The following PKD2L2 variants were observed in gnomAD, a reference collection of about 807,000 sequenced individuals.
The protein encoded by PKD2L2 is polycystin-2-like protein 2.
In PKD2L2, 67 loss-of-function variants were observed where a neutral mutation model predicts 83.9. The ratio of observed to expected loss-of-function variants is 0.80; its 90% CI spans 0.66 to 0.98. The LOEUF (loss-of-function observed/expected upper bound fraction) is 0.98. Among genes scored for constraint, PKD2L2 ranks in the 50% least tolerant of loss-of-function variants. PKD2L2 has a pLI of 0.00. For synonymous variants in PKD2L2, 223 were observed against 237.8 expected, an observed-to-expected ratio of 0.94 and a Z score of 0.57; for missense variants, 632 against 717.2, an observed-to-expected ratio of 0.88 and a Z score of 1.36.
chr5:137,906,184 T>C (rs748959159), intron 5 of PKD2L2, 22 bp from the exon 6 acceptor site: 103 of 1,451,082 alleles, frequency 7.1e-5, no homozygotes, highest in Non-Finnish European at 9.5e-5. Context: ...GAACAGTTGC[T>C]TTCACAAACC....
intron 5 of PKD2L2, among the ~76,000 whole-genome samples, chr5:137,902,205 T>C (rs1204950545): frequency 1.3e-5 from 2 of 152,148 alleles, no homozygotes; most frequent in African/African-American, 4.8e-5. Flanking sequence ...TGACTTCTTT[T>C]ATGACATGGA....
intron 14 of PKD2L2, chr5:137,938,652 C>G (rs1048805694): frequency 5.9e-5 from 9 of 152,432 alleles, no homozygotes; most frequent in African/African-American, 2.2e-4. Context: ...CCTCACCCCC[C>G]ACCCCCCAGA....
chr5:137,899,493 A>G (rs547638111), intron 4 of PKD2L2, 23 bp from the exon 5 acceptor site: 21 of 1,374,022 alleles, frequency 1.5e-5, no homozygotes, highest in Non-Finnish European at 2.0e-5. Flanking sequence ...TCATTTCACC[A>G]TTATTCTTTT....
chr5:137,891,193 C>T (rs1755948078), intron 2 of PKD2L2, among the ~76,000 whole-genome samples: 1 of 152,188 alleles, frequency 6.6e-6, no homozygotes, highest in African/African-American at 2.4e-5. Flanking sequence ...GATGAAAGCT[C>T]ACTGGCAGTA....
At chr5:137,904,807 T>A (rs557933436) in intron 5 of PKD2L2, among the ~76,000 whole-genome samples, 5 of 152,226 alleles carry the variant, frequency 3.3e-5, no homozygotes, top group Non-Finnish European at 4.4e-5. Context: ...TTTTCTCTCG[T>A]AAGTCTTACA....
At chr5:137,889,942 C>A in intron 1 of PKD2L2, 1 of 188,608 alleles carries the variant, frequency 5.3e-6, no homozygotes, top group Admixed American at 6.2e-5. Context: ...TTACTTGTTT[C>A]GTATTTTGCT....
At chr5:137,900,043 A>G (rs1445537668) in intron 5 of PKD2L2, among the ~76,000 whole-genome samples, 1 of 152,252 alleles carries the variant, frequency 6.6e-6, no homozygotes, top group East Asian at 1.9e-4. Flanking sequence ...AGTATACACA[A>G]ATCTATTATA....
At chr5:137,901,146 A>G (rs141443695) in intron 5 of PKD2L2, among the ~76,000 whole-genome samples, 57 of 152,010 alleles carry the variant, frequency 3.7e-4, no homozygotes, top group East Asian at 1.4e-3. Context: ...CAAAAAAAAA[A>G]AAAGAAAGAA....
At chr5:137,934,619 G>C (rs1442484872) in intron 12 of PKD2L2, among the ~76,000 whole-genome samples, 1 of 152,156 alleles carries the variant, frequency 6.6e-6, no homozygotes, top group Non-Finnish European at 1.5e-5. Context: ...GACCAGCCTG[G>C]CCAACATGGC....
chr5:137,940,157 A>G (rs370407926), intron 14 of PKD2L2: 99 of 1,613,376 alleles, frequency 6.1e-5, no homozygotes, highest in Non-Finnish European at 8.1e-5. Flanking sequence ...AGTACCAGCC[A>G]AGTACACACG....
Position 137,894,094 on chromosome 5 carries a change from C to T in PKD2L2, c.268-259C>T, listed in dbSNP as rs184702295. Among the ~76,000 whole-genome samples the T allele has an allele frequency of 1.6e-3, 241 of 152,214 alleles. 1 individual carries two copies. The highest frequency in any genetic ancestry group is 5.6e-3 in the African/African-American group (234 of 41,516). ...ATTGGAAGAAAATTTTCGATTTACT[C>T]ATATAAGGAGAGAAGAAGGGCTATG... On this transcript the variant is annotated intron_variant, in intron 3 of 14. Transcript: ENST00000508883.
chr5:137,891,930 C>T (rs991961518), intron 2 of PKD2L2, among the ~76,000 whole-genome samples: 1 of 152,196 alleles, frequency 6.6e-6, no homozygotes, highest in Non-Finnish European at 1.5e-5. Flanking sequence ...AGGTGATCCA[C>T]CCACCTCAGC....
Position 137,941,916 on chromosome 5 carries a change from T to C in PKD2L2, c.*18-468T>C, listed in dbSNP as rs1374755349. ...CAGTTTGTGAGTTAGAGAAGAAAGATGACTCAATTTTGTGATGCTCAACAA... is the reference window on the plus strand; with the variant it reads ...CAGTTTGTGAGTTAGAGAAGAAAGACGACTCAATTTTGTGATGCTCAACAA... On this transcript the variant is annotated intron_variant, in intron 14 of 14. Transcript: ENST00000508883. 2.6e-6 allele frequency: 4 copies of C among 1,549,108 alleles called. No individual in the cohort carries two copies. The South Asian group carries it at 4.5e-5, about 17-fold the overall frequency.
At chr5:137,911,447 C>T (rs576677103) in intron 8 of PKD2L2, among the ~76,000 whole-genome samples, 1 of 152,162 alleles carries the variant, frequency 6.6e-6, no homozygotes, top group African/African-American at 2.4e-5. Flanking sequence ...GTATAAATAT[C>T]TCTTCAAGAC....
chr5:137,924,626 C>T (rs941857168), intron 10 of PKD2L2, among the ~76,000 whole-genome samples: 1 of 152,142 alleles, frequency 6.6e-6, no homozygotes, highest in Non-Finnish European at 1.5e-5. Context: ...GTGGGGTTTA[C>T]GAACTTTGTC....
chr5:137,931,617 T>C (rs1199185944), intron 12 of PKD2L2, among the ~76,000 whole-genome samples: 1 of 152,138 alleles, frequency 6.6e-6, no homozygotes, highest in Non-Finnish European at 1.5e-5. Context: ...TTTTATAAGT[T>C]TCAACACCCA....
At chr5:137,931,946 CAATTG>C (rs1190999897) in intron 12 of PKD2L2, among the ~76,000 whole-genome samples, 1 of 152,082 alleles carries the variant, frequency 6.6e-6, no homozygotes, top group Non-Finnish European at 1.5e-5. Context: ...ATGCAAACAT[CAATTG>C]GTTTGGTAAA....
intron 12 of PKD2L2, among the ~76,000 whole-genome samples, chr5:137,932,901 C>T (rs996251978): frequency 1.3e-5 from 2 of 152,124 alleles, no homozygotes; most frequent in African/African-American, 4.8e-5. Flanking sequence ...ATTAGGGATA[C>T]TCAATCTGTA....
At chr5:137,909,226 AC>A (rs1757609167) in intron 8 of PKD2L2, among the ~76,000 whole-genome samples, 1 of 151,990 alleles carries the variant, frequency 6.6e-6, no homozygotes, top group African/African-American at 2.4e-5. Context: ...TTTTGGTCTC[AC>A]CATGTTGGCC....
Sources: gnomAD v4.1 joint callset for allele counts (sites outside exome capture counted in the v4.1 genomes callset) on GRCh38, gnomAD v4.1.1 for gene constraint, MANE v1.5 for transcripts, NCBI Gene and HGNC (gene_info 2026-07-23, HGNC 2026-07-21) for gene names.